Variants in ERBB4 observed in about 807,000 individuals in gnomAD.
ERBB4 encodes the protein erb-b2 receptor tyrosine kinase 4.
ERBB4 carries 42 observed loss-of-function variants against 158.0 expected under a neutral mutation model. The ratio of observed to expected loss-of-function variants is 0.27; its 90% CI spans 0.21 to 0.34. The LOEUF is 0.34. Among genes scored for constraint, ERBB4 ranks in the 10% least tolerant of loss-of-function variants. The probability of loss-of-function intolerance (pLI) is 1.00; values close to 1 mark genes in which losing one functional copy is unlikely to be tolerated. For missense variants in ERBB4, 1,333 were observed against 1,624.1 expected (o/e 0.82, Z 3.08); for synonymous variants, 583 against 558.7 (o/e 1.04, Z -0.61).
At chr2:211,987,312 C>G (rs2081962339) in intron 2 of ERBB4, among the ~76,000 whole-genome samples, 2 of 63,428 alleles carry the variant, frequency 3.2e-5, no homozygotes, top group Non-Finnish European at 6.1e-5. Flanking sequence ...CAGAGGGAGA[C>G]TCCATCTCAA....
chr2:212,498,368 T>C (rs1385270937), intron 1 of ERBB4, among the ~76,000 whole-genome samples: 2 of 152,182 alleles, frequency 1.3e-5, no homozygotes, highest in Non-Finnish European at 2.9e-5. Context: ...TTTACCATTA[T>C]ATTTAAGCTA....
chr2:212,423,861 T>C (rs1283171966), intron 1 of ERBB4, among the ~76,000 whole-genome samples: 1 of 152,172 alleles, frequency 6.6e-6, no homozygotes, highest in Non-Finnish European at 1.5e-5. Context: ...TTTGAATTAC[T>C]GAACCAATGC....
At chr2:211,677,818 G>A (rs1201626569) in intron 13 of ERBB4, among the ~76,000 whole-genome samples, 1 of 152,132 alleles carries the variant, frequency 6.6e-6, no homozygotes, top group Non-Finnish European at 1.5e-5. Context: ...AGCTTGCAGT[G>A]AGTCGAGATC....
At chr2:211,435,842 C>T (rs1265380638) in intron 20 of ERBB4, among the ~76,000 whole-genome samples, 2 of 152,188 alleles carry the variant, frequency 1.3e-5, no homozygotes, top group Non-Finnish European at 2.9e-5. Context: ...GGATTGAATC[C>T]CTTGCTGTGG....
intron 3 of ERBB4, among the ~76,000 whole-genome samples, chr2:211,853,399 A>C: frequency 6.6e-6 from 1 of 151,686 alleles, no homozygotes; most frequent in African/African-American, 2.4e-5. Context: ...GGTTCTGAAA[A>C]CCTCTTTGGT....
At chr2:212,075,935 G>C (rs1215898646) in intron 2 of ERBB4, among the ~76,000 whole-genome samples, 18 of 151,746 alleles carry the variant, frequency 1.2e-4, no homozygotes, top group Non-Finnish European at 5.9e-5. Flanking sequence ...TACCTCATCA[G>C]CTTGAAATCC....
At chr2:211,494,514 T>C (rs911399444) in intron 20 of ERBB4, among the ~76,000 whole-genome samples, 2 of 152,176 alleles carry the variant, frequency 1.3e-5, no homozygotes, top group Non-Finnish European at 1.5e-5. Context: ...TCTGTTTTGA[T>C]AGTGCATAGC....
chr2:212,368,864 C>T (rs895617257), intron 1 of ERBB4, among the ~76,000 whole-genome samples: 1 of 152,104 alleles, frequency 6.6e-6, no homozygotes, highest in African/African-American at 2.4e-5. Flanking sequence ...GGTTTTAGTA[C>T]TATTAATAGC....
chr2:212,225,005 C>G (rs754194891), intron 1 of ERBB4, among the ~76,000 whole-genome samples: 5 of 151,934 alleles, frequency 3.3e-5, no homozygotes, highest in Non-Finnish European at 7.4e-5. Flanking sequence ...AATAAAAATT[C>G]AATTTTTTCC....
intron 22 of ERBB4, among the ~76,000 whole-genome samples, 164 bp downstream of exon 22, chr2:211,428,244 T>TAAAATA (rs55915612): frequency 0.19 from 23,811 of 128,574 alleles, 2,274 homozygotes; most frequent in South Asian, 0.37. Flanking sequence ...AAATAAAATA[T>TAAAATA]TTTTTTTTCA....
chr2:212,389,301 A>C (rs546557949), intron 1 of ERBB4, among the ~76,000 whole-genome samples: 2 of 152,112 alleles, frequency 1.3e-5, no homozygotes, highest in Non-Finnish European at 2.9e-5. Flanking sequence ...TCCTACCTCT[A>C]AAACAAGTAT....
chr2:211,920,039 T>C (rs553403140), intron 3 of ERBB4, among the ~76,000 whole-genome samples: 42 of 152,076 alleles, frequency 2.8e-4, no homozygotes, highest in Middle Eastern at 6.8e-3. Context: ...CAACTTTGTT[T>C]TAAGCTTGGT....
intron 19 of ERBB4, among the ~76,000 whole-genome samples, chr2:211,612,616 G>A (rs1287233577): frequency 6.6e-6 from 1 of 152,028 alleles, no homozygotes; most frequent in Non-Finnish European, 1.5e-5. Flanking sequence ...AAGAAAGTCA[G>A]TGAAGAGAAA....
chr2:212,112,853 G>T (rs1004565475), intron 2 of ERBB4, among the ~76,000 whole-genome samples: 4 of 152,120 alleles, frequency 2.6e-5, no homozygotes, highest in African/African-American at 9.7e-5. Context: ...TTATTACAAA[G>T]ATTATAATTC....
intron 3 of ERBB4, among the ~76,000 whole-genome samples, chr2:211,945,525 A>AC (rs2080665077): frequency 6.6e-6 from 1 of 152,108 alleles, no homozygotes. Flanking sequence ...TCTCTTAATC[A>AC]CTTATTAATT....
intron 3 of ERBB4, among the ~76,000 whole-genome samples, chr2:211,872,482 C>A (rs2078377531): frequency 6.6e-6 from 1 of 152,108 alleles, no homozygotes; most frequent in Non-Finnish European, 1.5e-5. Flanking sequence ...TTAAGATTTA[C>A]TGAGTTATAT....
chr2:211,381,688 T>G lies in ERBB4; in HGVS notation c.*1927A>C, dbSNP rs1286014726. The stretch of plus-strand genomic sequence containing the variant: ...GGTTTGGATGGATGGATGGATGGAT[T>G]TACTTGTTCAGAATAGGAAGAAACA... On this transcript the variant is annotated 3_prime_UTR_variant, in exon 28 of 28. Coordinates refer to ENST00000342788, the MANE Select transcript of ERBB4 (RefSeq NM_005235.3). The G allele has an allele frequency of 4.3e-6, 1 of 231,654 alleles. No homozygotes were observed. The highest frequency in any genetic ancestry group is 8.5e-6 in the Non-Finnish European group (1 of 117,210). 14.3% of individuals were successfully genotyped at this position (231,654 alleles called of 1,614,324 possible). A position where few individuals can be genotyped will look rare whatever the true frequency, so the allele number is the denominator to read the frequency against.
chr2:211,410,431 C>T (rs2063233868), intron 25 of ERBB4, among the ~76,000 whole-genome samples: 1 of 152,036 alleles, frequency 6.6e-6, no homozygotes, highest in African/African-American at 2.4e-5. Flanking sequence ...TTCAGTTTGA[C>T]ACACATAAAG....
At chr2:212,467,256 G>A (rs1444213490) in intron 1 of ERBB4, among the ~76,000 whole-genome samples, 2 of 152,196 alleles carry the variant, frequency 1.3e-5, no homozygotes, top group Non-Finnish European at 2.9e-5. Context: ...AAGTAATGAG[G>A]AGCCGAATGT....
Sources: allele counts gnomAD v4.1 joint callset (sites outside exome capture counted in the v4.1 genomes callset), GRCh38; gene constraint gnomAD v4.1.1; transcripts MANE v1.5; gene names NCBI Gene and HGNC (gene_info 2026-07-23, HGNC 2026-07-21).